Variants in ZNF804B observed in about 807,000 individuals in gnomAD.
The protein encoded by ZNF804B is zinc finger 804B.
Under a neutral mutation model 101.4 loss-of-function variants are expected in ZNF804B, and 80 were observed. The ratio of observed to expected loss-of-function variants is 0.79; its 90% CI spans 0.66 to 0.95. The LOEUF is 0.95. Ranked by LOEUF, ZNF804B falls within the 40% of genes least tolerant of loss-of-function variation. The pLI is 0.00. For missense variants in ZNF804B, 1,673 were observed against 1,561.9 expected (o/e 1.07, Z -1.20); for synonymous variants, 622 against 558.8 (o/e 1.11, Z -1.59).
In ZNF804B at chr7:89,296,192, A is replaced by C. The variant is rs191918049; in HGVS notation, c.250-31152A>C. Among the ~76,000 whole-genome samples the C allele has an allele frequency of 1.3e-3, 195 of 152,232 alleles. 1 individual carries two copies. The highest frequency in any genetic ancestry group is 4.4e-3 in the African/African-American group (182 of 41,562). ...ACATACATAAATACATAAATAAAATAGGCTCTTCTAAAACACTAAACTTCC... is the reference window on the plus strand; with the variant it reads ...ACATACATAAATACATAAATAAAATCGGCTCTTCTAAAACACTAAACTTCC... On this transcript the variant is annotated intron_variant, in intron 2 of 3. Coordinates refer to ENST00000333190, the MANE Select transcript of ZNF804B (RefSeq NM_181646.5).
intron 1 of ZNF804B, among the ~76,000 whole-genome samples, chr7:89,063,330 C>A (rs1037936155): frequency 1.3e-5 from 2 of 152,024 alleles, no homozygotes; most frequent in Non-Finnish European, 2.9e-5. Context: ...AGAATAAATT[C>A]TTTAGTCAAT....
chr7:89,168,823 A>G (rs1371647747), intron 1 of ZNF804B, among the ~76,000 whole-genome samples: 1 of 151,542 alleles, frequency 6.6e-6, no homozygotes, highest in African/African-American at 2.4e-5. Flanking sequence ...GTGAGAACTT[A>G]ATTGATACTT....
At chr7:89,248,471 A>T (rs1789485445) in intron 2 of ZNF804B, among the ~76,000 whole-genome samples, 1 of 151,726 alleles carries the variant, frequency 6.6e-6, no homozygotes, top group South Asian at 2.1e-4. Flanking sequence ...TCTTTGAAAA[A>T]AAAAGAAAAA....
chr7:88,844,754 A>G (rs754360829), intron 1 of ZNF804B, among the ~76,000 whole-genome samples: 1 of 152,120 alleles, frequency 6.6e-6, no homozygotes, highest in Non-Finnish European at 1.5e-5. Context: ...GAGGCTGTAT[A>G]TTTTTAATTT....
At chr7:89,071,503 T>C (rs1789538662) in intron 1 of ZNF804B, among the ~76,000 whole-genome samples, 1 of 152,082 alleles carries the variant, frequency 6.6e-6, no homozygotes, top group South Asian at 2.1e-4. Context: ...TTATAAAAAA[T>C]ATAAATGAAA....
chr7:89,227,361 C>T (rs1336451240), intron 2 of ZNF804B, among the ~76,000 whole-genome samples: 2 of 152,192 alleles, frequency 1.3e-5, no homozygotes, highest in Non-Finnish European at 2.9e-5. Flanking sequence ...TTTTCATCAT[C>T]TCTTCCTACA....
intron 1 of ZNF804B, among the ~76,000 whole-genome samples, chr7:88,870,377 T>C (rs1583987344): frequency 3.7e-5 from 2 of 53,574 alleles, no homozygotes; most frequent in African/African-American, 2.1e-4. Context: ...AGAGCGAAAC[T>C]CCGTCTCAAA....
At chr7:88,907,472 T>C (rs183860918) in intron 1 of ZNF804B, among the ~76,000 whole-genome samples, 2 of 152,218 alleles carry the variant, frequency 1.3e-5, no homozygotes, top group East Asian at 3.9e-4. Flanking sequence ...CTTCTACTGC[T>C]ACTAAGGAGA....
At chr7:89,196,153 T>G (rs1171530411) in intron 1 of ZNF804B, among the ~76,000 whole-genome samples, 1 of 152,126 alleles carries the variant, frequency 6.6e-6, no homozygotes, top group African/African-American at 2.4e-5. Context: ...GACTTCAAAC[T>G]ATACTTCAAG....
intron 1 of ZNF804B, among the ~76,000 whole-genome samples, chr7:89,189,293 C>G (rs1293851336): frequency 6.6e-6 from 1 of 152,156 alleles, no homozygotes; most frequent in East Asian, 1.9e-4. Flanking sequence ...CAAAGTGTTT[C>G]TGCCCATTGA....
intron 2 of ZNF804B, among the ~76,000 whole-genome samples, chr7:89,234,316 A>G (rs1250424842): frequency 1.3e-5 from 2 of 151,976 alleles, no homozygotes; most frequent in Non-Finnish European, 2.9e-5. Context: ...ATAGCTAGCT[A>G]AATGGGAGGA....
intron 1 of ZNF804B, among the ~76,000 whole-genome samples, chr7:88,792,336 T>C (rs1790394027): frequency 6.6e-6 from 1 of 152,138 alleles, no homozygotes; most frequent in Admixed American, 6.6e-5. Context: ...TATTTTCTGA[T>C]TTATAAATAT....
chr7:89,283,662 A>G (rs1790133510), intron 2 of ZNF804B, among the ~76,000 whole-genome samples: 1 of 152,154 alleles, frequency 6.6e-6, no homozygotes, highest in Non-Finnish European at 1.5e-5. Flanking sequence ...AGCTTATAAT[A>G]TATCATCTAG....
At chr7:89,313,863 C>T (rs1308146986) in intron 2 of ZNF804B, among the ~76,000 whole-genome samples, 2 of 152,036 alleles carry the variant, frequency 1.3e-5, no homozygotes, top group African/African-American at 2.4e-5. Flanking sequence ...TGTTTTTGAT[C>T]TGGGTAGAGG....
At chr7:89,017,394 A>G (rs6465178) in intron 1 of ZNF804B, among the ~76,000 whole-genome samples, 94,466 of 152,012 alleles carry the variant, frequency 0.62, 30,493 homozygotes, top group Non-Finnish European at 0.71. Flanking sequence ...GTGTTGAGAG[A>G]GGGCATCCCT....
At position 89,229,420 on chromosome 7, in the gene ZNF804B, T is replaced by C. The variant is rs558157763; in HGVS notation, c.249+11125T>C. Among the ~76,000 whole-genome samples the C allele has an allele frequency of 3.3e-5, 5 of 152,352 alleles. No homozygotes were observed. The South Asian group carries it at 1.0e-3, about 32-fold the overall frequency. On this transcript the variant is annotated intron_variant, in intron 2 of 3. Coordinates refer to ENST00000333190, the MANE Select transcript of ZNF804B (RefSeq NM_181646.5). ...ACTAGCTGGAAGAGCAGCATTAATT[T>C]CAGGCAAAGCTGAGTTGAGCAAGAA...
At chr7:89,119,788 G>A (rs1014133323) in intron 1 of ZNF804B, among the ~76,000 whole-genome samples, 5 of 151,892 alleles carry the variant, frequency 3.3e-5, no homozygotes, top group African/African-American at 1.2e-4. Context: ...TGATAATCCT[G>A]GCATGGAAAG....
chr7:89,023,967 G>A (rs77616945), intron 1 of ZNF804B, among the ~76,000 whole-genome samples: 2,487 of 152,266 alleles, frequency 0.016, 68 homozygotes, highest in African/African-American at 0.057. Context: ...ATTGTGGGCA[G>A]CACCCTGCCA....
chr7:89,157,091 T>G (rs2116414802), intron 1 of ZNF804B, among the ~76,000 whole-genome samples: 1 of 152,294 alleles, frequency 6.6e-6, no homozygotes, highest in South Asian at 2.1e-4. Flanking sequence ...GGCTCTCTAT[T>G]GGTGATACTG....
Sources: allele counts gnomAD v4.1 joint callset (sites outside exome capture counted in the v4.1 genomes callset), GRCh38; gene constraint gnomAD v4.1.1; transcripts MANE v1.5; gene names NCBI Gene and HGNC (gene_info 2026-07-23, HGNC 2026-07-21).